TTC38: variants seen among roughly 807,000 people sequenced by gnomAD.
TTC38 encodes the protein tetratricopeptide repeat protein 38.
TTC38 carries 64 observed loss-of-function variants against 64.2 expected under a neutral mutation model. The ratio of observed to expected loss-of-function variants is 1.00; its 90% CI spans 0.81 to 1.23. TTC38 has a LOEUF of 1.23. TTC38 is among the 50% of genes most tolerant of loss of function. The pLI is 0.00. For missense variants in TTC38, 573 were observed against 615.5 expected (o/e 0.93, Z 0.73); for synonymous variants, 254 against 249.3 (o/e 1.02, Z -0.18).
At chr22:46,280,538 G>A (rs540686674) in intron 6 of TTC38, among the ~76,000 whole-genome samples, 1 of 152,350 alleles carries the variant, frequency 6.6e-6, no homozygotes, top group Admixed American at 6.5e-5. Flanking sequence ...GGGGCCCCAC[G>A]CCCGCCCTGC....
intron 10 of TTC38, 40 bp downstream of exon 10, chr22:46,287,194 T>G: frequency 6.5e-7 from 1 of 1,538,060 alleles, no homozygotes; most frequent in Non-Finnish European, 8.9e-7. Context: ...TGCCTCTTCC[T>G]CCCACATCAT....
At chr22:46,290,620 G>A (rs1401040489) in intron 13 of TTC38, among the ~76,000 whole-genome samples, 3 of 145,874 alleles carry the variant, frequency 2.1e-5, no homozygotes, top group African/African-American at 5.4e-5. Context: ...GTGTTAGGAG[G>A]GTGGCGTGGC....
In TTC38 at chr22:46,268,652, T is replaced by C. The variant is rs535046460; in HGVS notation, c.111+61T>C. 131 of 1,506,942 alleles carry C rather than the reference T, an allele frequency of 8.7e-5. 2 individuals are homozygous for C. The South Asian group carries it at 1.3e-3, about 15-fold the overall frequency. 93.3% of individuals were successfully genotyped at this position (1,506,942 alleles called of 1,614,324 possible). A position where few individuals can be genotyped will look rare whatever the true frequency, so the allele number is the denominator to read the frequency against. On this transcript the variant is annotated intron_variant, in intron 2 of 13. Coordinates refer to ENST00000381031, the MANE Select transcript of TTC38 (RefSeq NM_017931.4). ...GGAGGTCTAGGGGAAGGTTTTTTAATTGGGGAAAGCTGTTTTTTTGTTTTG... is the reference window on the plus strand; with the variant it reads ...GGAGGTCTAGGGGAAGGTTTTTTAACTGGGGAAAGCTGTTTTTTTGTTTTG...
chr22:46,290,148 C>T (rs541691624), intron 13 of TTC38, among the ~76,000 whole-genome samples: 2 of 151,864 alleles, frequency 1.3e-5, no homozygotes, highest in African/African-American at 4.8e-5. Context: ...TGCTAAGCTA[C>T]CTGGGTACGT....
rs1569025143 is a variant in TTC38 at position 46,287,222 on chromosome 22, G to A, written c.916+68G>A. 5.6e-6 allele frequency: 8 copies of A among 1,433,140 alleles called. No homozygotes were observed. In the East Asian group the frequency reaches 1.5e-4, roughly 26 times the overall value. 88.8% of individuals were successfully genotyped at this position (1,433,140 alleles called of 1,614,324 possible). On this transcript the variant is annotated intron_variant, in intron 10 of 13. Coordinates refer to ENST00000381031, the MANE Select transcript of TTC38 (RefSeq NM_017931.4). ...CACATCATGAGGAGAGGGTGCTGTG[G>A]CCTAGGCCCAGGGTTGGGCAAGAGC... is the stretch of plus-strand genomic sequence containing the variant.
chr22:46,278,808 G>A, intron 6 of TTC38, 147 bp downstream of exon 6: 1 of 735,882 alleles, frequency 1.4e-6, no homozygotes, highest in Non-Finnish European at 2.4e-6. Context: ...GCTCATGTTA[G>A]TGTGAGCAGC....
rs1555886902 is a variant in TTC38 at position 46,276,824 on chromosome 22, A to AATATATATATATTAAATATATATATAT, written c.539+1415_539+1416insTAAATATATATATATATATATATATAT. 4.3e-5 allele frequency among the ~76,000 whole-genome samples: 6 copies of AATATATATATATTAAATATATATATAT among 139,556 alleles called. No homozygotes were observed. The highest frequency in any genetic ancestry group is 1.7e-4 in the African/African-American group (6 of 36,132). The allele number at this position is 139,556 out of a possible 152,430, so 91.6% of individuals were successfully genotyped here. On this transcript the variant is annotated intron_variant, in intron 5 of 13. Transcript: ENST00000381031. This position sits in a 1 kb window ranked among gnomAD's most constrained non-coding sequence, Gnocchi z 4.7. ...ATTATATATTAAAATATATATATTA[A>AATATATATATATTAAATATATATATAT]ATATATATATATATATAAACATATA...
Position 46,288,598 on chromosome 22 carries a change from G to A in TTC38, c.1082+10G>A, listed in dbSNP as rs1345034404. ...TGCGGGACGCCAGCGAGTATGCAGA[G>A]GGGCCTTCTCGGGGTGGGGGTCCTC... On this transcript the variant is annotated intron_variant, in intron 11 of 13. Transcript: ENST00000381031. 1.9e-6 allele frequency: 3 copies of A among 1,612,558 alleles called. No individual in the cohort carries two copies. Among genetic ancestry groups the A allele is most frequent in the Non-Finnish European group, 1.7e-6 (2 of 1,179,232 alleles).
intron 6 of TTC38, chr22:46,279,943 GT>G: frequency 2.8e-6 from 1 of 352,198 alleles, no homozygotes. Context: ...GATGTGGCAA[GT>G]CCCCCGCACT....
chr22:46,286,106 A>G (rs1047327699), intron 9 of TTC38, among the ~76,000 whole-genome samples: 1 of 151,580 alleles, frequency 6.6e-6, no homozygotes, highest in Non-Finnish European at 1.5e-5. Context: ...AACATTCTTC[A>G]TCTACCCAAA....
chr22:46,288,641 A>T, intron 11 of TTC38, 53 bp downstream of exon 11: 1 of 1,557,928 alleles, frequency 6.4e-7, no homozygotes, highest in Non-Finnish European at 8.8e-7. Flanking sequence ...CGAGAGGGTG[A>T]GGGGGTGCTA....
At position 46,292,218 on chromosome 22, in the gene TTC38, C is replaced by T. The variant is rs748810851; in HGVS notation, c.1317-573C>T. 3.8e-5 allele frequency: 17 copies of T among 447,208 alleles called. No individual in the cohort carries two copies. The highest frequency in any genetic ancestry group is 9.7e-5 in the Admixed American group (4 of 41,434). The allele number at this position is 447,208 out of a possible 1,614,324, so 27.7% of individuals were successfully genotyped here. A position where few individuals can be genotyped will look rare whatever the true frequency, so the allele number is the denominator to read the frequency against. The stretch of plus-strand genomic sequence containing the variant: ...ATATTTTTAGAGGCAAGGTCTCACT[C>T]GGTCATCCAGGTTGGAATGCAGTGG... On this transcript the variant is annotated intron_variant, in intron 13 of 13. Transcript: ENST00000381031. This position sits in a 1 kb window ranked among gnomAD's most constrained non-coding sequence, Gnocchi z 6.5.
chr22:46,276,774 A>ATATATATTAAAATATATATTAAAAAT lies in TTC38; in HGVS notation c.539+1373_539+1398dup, dbSNP rs1569017602. On this transcript the variant is annotated intron_variant, in intron 5 of 13. Transcript: ENST00000381031. The surrounding 1 kb of genome is among the most constrained non-coding windows in gnomAD (Gnocchi z 4.7). ...TACATATATTAAAAATATATATTAA[A>ATATATATTAAAATATATATTAAAAAT]TATATATTAAAATATATATTAAAAA... Among the ~76,000 whole-genome samples, 28 of 137,488 alleles carry ATATATATTAAAATATATATTAAAAAT rather than the reference A, an allele frequency of 2.0e-4. No homozygotes were observed. The highest frequency in any genetic ancestry group is 6.9e-4 in the African/African-American group (26 of 37,424). 90.2% of individuals were successfully genotyped at this position (137,488 alleles called of 152,430 possible). A position where few individuals can be genotyped will look rare whatever the true frequency, so the allele number is the denominator to read the frequency against.
At chr22:46,278,295 G>A (rs950220332) in intron 5 of TTC38, among the ~76,000 whole-genome samples, 1 of 152,136 alleles carries the variant, frequency 6.6e-6, no homozygotes, top group Non-Finnish European at 1.5e-5. Context: ...GTTCCTTGAA[G>A]TCCCTTGGCT....
Position 46,271,206 on chromosome 22 carries a change from G to C in TTC38, c.112-1129G>C, listed in dbSNP as rs930404966. On this transcript the variant is annotated intron_variant, in intron 2 of 13. Transcript: ENST00000381031. The surrounding 1 kb of genome is among the most constrained non-coding windows in gnomAD (Gnocchi z 5.5). Reference sequence around the variant, plus strand: ...GAAGCCGATGTGGAGCAGGTCACCTGTCAGGAGGAACCTGCCTTTTCTTTC... The same window carrying C: ...GAAGCCGATGTGGAGCAGGTCACCTCTCAGGAGGAACCTGCCTTTTCTTTC... Among the ~76,000 whole-genome samples, 5 of 152,176 alleles carry C rather than the reference G, an allele frequency of 3.3e-5. No individual in the cohort carries two copies. The highest frequency in any genetic ancestry group is 1.2e-4 in the African/African-American group (5 of 41,436).
At chr22:46,269,087 T>A in intron 2 of TTC38, 1 of 380,152 alleles carries the variant, frequency 2.6e-6, no homozygotes, top group South Asian at 1.8e-5. Context: ...GACATATCTC[T>A]GCCCCCCCCC....
chr22:46,291,259 T>C lies in TTC38; in HGVS notation c.1316+1360T>C, dbSNP rs1027176815. 1.3e-4 allele frequency among the ~76,000 whole-genome samples: 20 copies of C among 152,152 alleles called. No individual in the cohort carries two copies. Among genetic ancestry groups the C allele is most frequent in the African/African-American group, 4.8e-4 (20 of 41,448 alleles). On this transcript the variant is annotated intron_variant, in intron 13 of 13. Coordinates refer to ENST00000381031, the MANE Select transcript of TTC38 (RefSeq NM_017931.4). The surrounding 1 kb of genome is among the most constrained non-coding windows in gnomAD (Gnocchi z 4.6). ...CTCAGGCTGTGGTGTGGGTGGGAGT[T>C]GGTGCCTCTGGCAGCAGCGGTGGGG...
At position 46,281,747 on chromosome 22, in the gene TTC38, C is replaced by G; in HGVS notation, c.735+29C>G. 3 of 1,612,614 alleles carry G rather than the reference C, an allele frequency of 1.9e-6. No homozygotes were observed. Among genetic ancestry groups the G allele is most frequent in the Non-Finnish European group, 2.5e-6 (3 of 1,179,790 alleles). The stretch of plus-strand genomic sequence containing the variant: ...TGATGCTTGTCAATGGGTCACCTCC[C>G]TGGGAAATTCAGTGCATCCCCTTGA... On this transcript the variant is annotated intron_variant, in intron 7 of 13. Transcript: ENST00000381031. The surrounding 1 kb of genome is among the most constrained non-coding windows in gnomAD (Gnocchi z 5.2).
In TTC38 at chr22:46,289,535, G is replaced by T. The variant is rs199525510; in HGVS notation, c.1216G>T (p.Val406Phe). The T allele has an allele frequency of 6.3e-7, 1 of 1,598,286 alleles. No individual in the cohort carries two copies. Among genetic ancestry groups the T allele is most frequent in the Non-Finnish European group, 8.5e-7 (1 of 1,173,804 alleles). Residue 406 changes from valine to phenylalanine, a missense_variant, in exon 12 of 14, where the codon GTC becomes TTC. Val to Phe is a conservative substitution (Grantham distance 50, BLOSUM62 -1). Transcript: ENST00000381031. ...GCTCCTGCCCATCCGCTACCGGATCGTCCAGCTCGGTGGGAGCAATGCCCA... is the reference window on the plus strand; with the variant it reads ...GCTCCTGCCCATCCGCTACCGGATCTTCCAGCTCGGTGGGAGCAATGCCCA... ...ELLLPIRYRI[V>F]QLGGSNAQRD...
Sources: allele counts gnomAD v4.1 joint callset (sites outside exome capture counted in the v4.1 genomes callset), GRCh38; gene constraint gnomAD v4.1.1; non-coding constraint Gnocchi (gnomAD v3.1); transcripts MANE v1.5; gene names NCBI Gene and HGNC (gene_info 2026-07-23, HGNC 2026-07-21).